DLGAP1: variants seen among roughly 807,000 people sequenced by gnomAD.
The protein encoded by DLGAP1 is DLG associated protein 1, also known as disks large-associated protein 1.
A neutral mutation model predicts 90.8 loss-of-function variants in DLGAP1; 11 were observed. That is an observed-to-expected ratio of 0.12 (90% CI 0.08 to 0.20). DLGAP1 has a LOEUF of 0.20. Among genes scored for constraint, DLGAP1 ranks in the 10% least tolerant of loss-of-function variants. The pLI is 1.00. For synonymous variants in DLGAP1, 558 were observed against 540.7 expected, an observed-to-expected ratio of 1.03 and a Z score of -0.44; for missense variants, 1,050 against 1,333.8, an observed-to-expected ratio of 0.79 and a Z score of 3.31.
At chr18:4,092,056 G>A (rs1010887542) in intron 2 of DLGAP1, among the ~76,000 whole-genome samples, 1 of 152,118 alleles carries the variant, frequency 6.6e-6, no homozygotes, top group Non-Finnish European at 1.5e-5. Context: ...CTAGTTAGAA[G>A]TTGAGCTGGG....
chr18:3,845,615 A>T, intron 4 of DLGAP1: 1 of 985,406 alleles, frequency 1.0e-6, no homozygotes, highest in Non-Finnish European at 1.2e-6. Flanking sequence ...ATCTTTCATT[A>T]TCTCAGTAAA....
chr18:4,051,147 G>C (rs1461706046), intron 2 of DLGAP1, among the ~76,000 whole-genome samples: 1 of 152,114 alleles, frequency 6.6e-6, no homozygotes, highest in Non-Finnish European at 1.5e-5. Context: ...TTAGTTTTAA[G>C]ATATTAATAA....
intron 1 of DLGAP1, among the ~76,000 whole-genome samples, chr18:4,165,742 A>ATG (rs1397097312): frequency 6.6e-6 from 1 of 152,232 alleles, no homozygotes; most frequent in Admixed American, 6.5e-5. Flanking sequence ...AAAGTCACAT[A>ATG]TGTATATTGA....
At position 4,306,133 on chromosome 18, in the gene DLGAP1, A is replaced by G. The variant is rs1036152713; in HGVS notation, c.-267+148873T>C. On this transcript the variant is annotated intron_variant, in intron 1 of 12. Transcript: ENST00000315677. ...GAAATTAAATAACAGCAGATAGGTG[A>G]TATCTGGAAAACTGGTGGATAACGA... Among the ~76,000 whole-genome samples the G allele has an allele frequency of 2.0e-5, 3 of 151,786 alleles. 1 individual carries two copies. Among genetic ancestry groups the G allele is most frequent in the Admixed American group, 1.3e-4 (2 of 15,214 alleles).
chr18:3,862,124 G>A (rs191938249), intron 4 of DLGAP1, among the ~76,000 whole-genome samples: 1 of 152,234 alleles, frequency 6.6e-6, no homozygotes, highest in East Asian at 1.9e-4. Flanking sequence ...ACACTCCAAG[G>A]GCCTTTCTGG....
rs79851427 is a variant in DLGAP1 at position 3,791,346 on chromosome 18, A to AT, written c.1172+22712dup. The stretch of plus-strand genomic sequence containing the variant: ...AGATGGGAAGGCTGTGAAAACCAGC[A>AT]TTTTTTTCTCTTGTAATTTCATATA... On this transcript the variant is annotated intron_variant, in intron 5 of 12. Coordinates refer to ENST00000315677, the MANE Select transcript of DLGAP1 (RefSeq NM_004746.4). Among the ~76,000 whole-genome samples the AT allele has an allele frequency of 3.9e-3, 587 of 152,216 alleles. 3 individuals carry two copies. Among genetic ancestry groups the AT allele is most frequent in the African/African-American group, 0.014 (575 of 41,540 alleles).
intron 2 of DLGAP1, among the ~76,000 whole-genome samples, chr18:4,040,557 A>G (rs574731259): frequency 6.6e-6 from 1 of 152,348 alleles, no homozygotes; most frequent in East Asian, 1.9e-4. Context: ...GAAACTATGA[A>G]GTAAGTGATT....
At chr18:3,700,130 A>C (rs1403208586) in intron 7 of DLGAP1, among the ~76,000 whole-genome samples, 1 of 152,094 alleles carries the variant, frequency 6.6e-6, no homozygotes, top group Non-Finnish European at 1.5e-5. Flanking sequence ...CAGGGTAGTG[A>C]AAGATTCTGT....
At chr18:3,795,326 C>CT (rs924333016) in intron 5 of DLGAP1, among the ~76,000 whole-genome samples, 18 of 151,884 alleles carry the variant, frequency 1.2e-4, no homozygotes, top group African/African-American at 3.9e-4. Flanking sequence ...TTTCTCTTTT[C>CT]TTTTTTTTGA....
At chr18:3,872,213 T>C (rs1434355425) in intron 4 of DLGAP1, among the ~76,000 whole-genome samples, 1 of 128,656 alleles carries the variant, frequency 7.8e-6, no homozygotes, top group African/African-American at 3.0e-5. Flanking sequence ...ATCACGTGAG[T>C]GCTCTCCAAG....
chr18:4,003,444 T>TG (rs1384702968), intron 3 of DLGAP1, among the ~76,000 whole-genome samples: 2 of 151,328 alleles, frequency 1.3e-5, no homozygotes, highest in Non-Finnish European at 2.9e-5. Flanking sequence ...ATTGTTTTTT[T>TG]TTTTTTTTTT....
At chr18:4,021,598 T>A (rs1568356078) in intron 2 of DLGAP1, among the ~76,000 whole-genome samples, 1 of 152,092 alleles carries the variant, frequency 6.6e-6, no homozygotes, top group Non-Finnish European at 1.5e-5. Flanking sequence ...TTTCTTTTTC[T>A]TTCTTTTTTT....
intron 11 of DLGAP1, 52 bp from the exon 12 acceptor site, chr18:3,502,697 C>T (rs956956843): frequency 1.3e-6 from 2 of 1,564,074 alleles, no homozygotes; most frequent in African/African-American, 2.8e-5. Flanking sequence ...TCTTGACAAG[C>T]ACAGGGCCAA....
At chr18:3,819,971 G>A (rs1159040991) in intron 4 of DLGAP1, among the ~76,000 whole-genome samples, 1 of 152,146 alleles carries the variant, frequency 6.6e-6, no homozygotes, top group Non-Finnish European at 1.5e-5. Context: ...ATGTAGGAAC[G>A]CTTAGTTTTA....
At chr18:4,429,507 A>C (rs906331134) in intron 1 of DLGAP1, among the ~76,000 whole-genome samples, 2 of 152,248 alleles carry the variant, frequency 1.3e-5, no homozygotes, top group African/African-American at 4.8e-5. Flanking sequence ...ACTCCAAATC[A>C]CAATAAAAAT....
intron 1 of DLGAP1, among the ~76,000 whole-genome samples, chr18:4,330,378 TACTC>T (rs532777760): frequency 3.9e-5 from 6 of 151,956 alleles, no homozygotes; most frequent in East Asian, 3.9e-4. Context: ...CCTTGACTTA[TACTC>T]ACTATTTCCT....
At chr18:3,567,378 C>T in intron 9 of DLGAP1, 112 bp downstream of exon 9, 1 of 927,230 alleles carries the variant, frequency 1.1e-6, no homozygotes, top group Non-Finnish European at 1.7e-6. Context: ...TTAAATACTC[C>T]CAAAACTTAG....
chr18:4,344,207 T>C (rs577381259), intron 1 of DLGAP1, among the ~76,000 whole-genome samples: 34 of 152,328 alleles, frequency 2.2e-4, no homozygotes, highest in African/African-American at 7.7e-4. Context: ...CTAACATGTA[T>C]TGGGTACTTT....
chr18:4,420,377 A>G (rs2083000822), intron 1 of DLGAP1, among the ~76,000 whole-genome samples: 1 of 120,344 alleles, frequency 8.3e-6, no homozygotes, highest in African/African-American at 2.9e-5. Context: ...CAGAATACAC[A>G]ATCTTTTCCA....
Sources: allele counts gnomAD v4.1 joint callset (sites outside exome capture counted in the v4.1 genomes callset), GRCh38; gene constraint gnomAD v4.1.1; transcripts MANE v1.5; gene names NCBI Gene and HGNC (gene_info 2026-07-23, HGNC 2026-07-21).